CNBD1: variants seen among roughly 807,000 people sequenced by gnomAD.
CNBD1 encodes cyclic nucleotide-binding domain-containing protein 1.
In CNBD1, 71 loss-of-function variants were observed where a neutral mutation model predicts 54.4. That is an observed-to-expected ratio of 1.30 (90% CI 1.08 to 1.59). The LOEUF is 1.59. CNBD1 is among the 40% of genes most tolerant of loss of function. The pLI is 0.00. For missense variants in CNBD1, 659 were observed against 518.0 expected (o/e 1.27, Z -2.64); for synonymous variants, 182 against 170.7 (o/e 1.07, Z -0.51).
At chr8:86,873,243 A>T (rs891810571) in intron 1 of CNBD1, among the ~76,000 whole-genome samples, 18 of 151,640 alleles carry the variant, frequency 1.2e-4, no homozygotes, top group African/African-American at 4.1e-4. Flanking sequence ...CTGGGATTAC[A>T]GGCATGCGCC....
At chr8:87,018,037 A>G (rs912616523) in intron 4 of CNBD1, among the ~76,000 whole-genome samples, 3 of 152,222 alleles carry the variant, frequency 2.0e-5, no homozygotes, top group Non-Finnish European at 2.9e-5. Flanking sequence ...TGAGGTCAGG[A>G]GTTCAAGACC....
chr8:87,020,244 G>A (rs1375720199), intron 4 of CNBD1, among the ~76,000 whole-genome samples: 1 of 151,698 alleles, frequency 6.6e-6, no homozygotes, highest in Non-Finnish European at 1.5e-5. Flanking sequence ...CAAACCCTAG[G>A]CCTGACTCCA....
rs557800143 is a variant in CNBD1, at chr8:87,378,585, T to C, written c.1304-4035T>C. Among the ~76,000 whole-genome samples the C allele has an allele frequency of 2.5e-4, 38 of 149,882 alleles. No individual in the cohort carries two copies. In the South Asian group the frequency reaches 7.3e-3, roughly 29 times the overall value. On this transcript the variant is annotated intron_variant, in intron 10 of 10. Coordinates refer to ENST00000518476, the MANE Select transcript of CNBD1 (RefSeq NM_173538.3). ...TGTTGTATAGTTTGAAGTCAGGTAG[T>C]GTGATGCCTCCAGCTTTGTTCTTTT...
intron 4 of CNBD1, among the ~76,000 whole-genome samples, chr8:86,995,707 TG>T (rs1808856337): frequency 6.6e-6 from 1 of 151,366 alleles, no homozygotes; most frequent in Non-Finnish European, 1.5e-5. Flanking sequence ...TGTGTGTGTG[TG>T]TGTGAGAGAG....
intron 4 of CNBD1, among the ~76,000 whole-genome samples, chr8:87,135,227 A>G (rs1812204481): frequency 6.6e-6 from 1 of 152,042 alleles, no homozygotes; most frequent in Non-Finnish European, 1.5e-5. Flanking sequence ...ACTGTCTATT[A>G]GAACATTTGA....
chr8:86,984,191 G>C (rs372717293), intron 4 of CNBD1, among the ~76,000 whole-genome samples: 1 of 152,116 alleles, frequency 6.6e-6, no homozygotes, highest in African/African-American at 2.4e-5. Flanking sequence ...CCCAGGCCTT[G>C]GCAGCTTCCA....
At chr8:87,085,141 A>T (rs192518066) in intron 4 of CNBD1, among the ~76,000 whole-genome samples, 6 of 152,102 alleles carry the variant, frequency 3.9e-5, no homozygotes, top group Non-Finnish European at 5.9e-5. Context: ...TTTCAATTAC[A>T]TGTGTATTTG....
intron 1 of CNBD1, among the ~76,000 whole-genome samples, chr8:86,876,183 TTG>T (rs60866236): frequency 0.21 from 31,445 of 150,248 alleles, 3,346 homozygotes; most frequent in Non-Finnish European, 0.24. Flanking sequence ...GTGTGTGTGT[TTG>T]TGTGTGTGTG....
At chr8:87,214,724 T>C (rs991087163) in intron 5 of CNBD1, among the ~76,000 whole-genome samples, 15 of 152,150 alleles carry the variant, frequency 9.9e-5, no homozygotes, top group Admixed American at 3.3e-4. Flanking sequence ...GAGGGCAAAG[T>C]TGAAGCAAGA....
intron 10 of CNBD1, among the ~76,000 whole-genome samples, chr8:87,378,491 C>G (rs1245335164): frequency 1.1e-4 from 16 of 151,126 alleles, no homozygotes; most frequent in East Asian, 3.9e-4. Flanking sequence ...TCTGAGGGCT[C>G]CATTCTGTTC....
At chr8:87,039,465 GGGTTGGATTTACTAGA>G (rs1483874848) in intron 4 of CNBD1, among the ~76,000 whole-genome samples, 1 of 151,980 alleles carries the variant, frequency 6.6e-6, no homozygotes, top group African/African-American at 2.4e-5. Flanking sequence ...TTTTTTGGGG[GGGTTGGATTTACTAGA>G]GGTTTATCTA....
intron 4 of CNBD1, among the ~76,000 whole-genome samples, chr8:86,947,735 C>T (rs1322375097): frequency 1.3e-5 from 2 of 152,028 alleles, no homozygotes; most frequent in African/African-American, 4.8e-5. Flanking sequence ...GGTGTTCGTG[C>T]CCTCAGGCAT....
At chr8:86,882,966 G>A (rs1173593815) in intron 1 of CNBD1, among the ~76,000 whole-genome samples, 1 of 152,110 alleles carries the variant, frequency 6.6e-6, no homozygotes, top group Non-Finnish European at 1.5e-5. Flanking sequence ...TGGGAGCTAA[G>A]AGATGAGAAC....
At chr8:87,018,260 AC>A (rs1332526368) in intron 4 of CNBD1, among the ~76,000 whole-genome samples, 1 of 152,242 alleles carries the variant, frequency 6.6e-6, no homozygotes, top group African/African-American at 2.4e-5. Flanking sequence ...AAAACAAAAA[AC>A]AAAACAAAAA....
intron 10 of CNBD1, among the ~76,000 whole-genome samples, chr8:87,365,066 A>C (rs529871014): frequency 2.6e-5 from 4 of 152,096 alleles, no homozygotes; most frequent in Non-Finnish European, 5.9e-5. Flanking sequence ...AGGGGTTGCC[A>C]CACTGCTTTC....
downstream of CNBD1, among the ~76,000 whole-genome samples, chr8:87,387,312 A>T (rs1811209069): frequency 6.6e-6 from 1 of 152,136 alleles, no homozygotes; most frequent in Non-Finnish European, 1.5e-5. Flanking sequence ...CAGACTGGCA[A>T]ATTGGATAAA....
intron 8 of CNBD1, among the ~76,000 whole-genome samples, chr8:87,317,926 G>A (rs1809432545): frequency 6.6e-6 from 1 of 151,560 alleles, no homozygotes; most frequent in South Asian, 2.1e-4. Flanking sequence ...CTTATTTTAG[G>A]TGAATTTCTA....
chr8:86,971,201 T>C (rs1426399832), intron 4 of CNBD1, among the ~76,000 whole-genome samples: 1 of 152,176 alleles, frequency 6.6e-6, no homozygotes, highest in Non-Finnish European at 1.5e-5. Context: ...AGGAAACTTA[T>C]ACTCATGGCA....
chr8:87,332,226 T>C (rs1040564957), intron 8 of CNBD1, among the ~76,000 whole-genome samples: 1 of 152,062 alleles, frequency 6.6e-6, no homozygotes, highest in Non-Finnish European at 1.5e-5. Flanking sequence ...TGGGCACCTG[T>C]AATTCCAGTT....
Sources: gnomAD v4.1 joint callset for allele counts (sites outside exome capture counted in the v4.1 genomes callset) on GRCh38, gnomAD v4.1.1 for gene constraint, MANE v1.5 for transcripts, NCBI Gene and HGNC (gene_info 2026-07-23, HGNC 2026-07-21) for gene names.